Variants in TMEM144 observed in about 807,000 individuals in gnomAD.
TMEM144 encodes transmembrane protein 144.
Under a neutral mutation model 43.6 loss-of-function variants are expected in TMEM144, and 39 were observed. The observed-to-expected ratio is 0.90, with a 90% CI of 0.69 to 1.17. TMEM144 has a LOEUF of 1.17. TMEM144 is among the 50% of genes most tolerant of loss of function. The pLI, the probability that TMEM144 is intolerant of heterozygous loss-of-function variation, is 0.00. For synonymous variants in TMEM144, 154 were observed against 133.6 expected (o/e 1.15, Z -1.06); for missense variants, 417 against 411.9 (o/e 1.01, Z -0.11).
At chr4:158,210,641 G>A (rs1390512809) in intron 1 of TMEM144, 55 bp downstream of exon 1, 1 of 152,230 alleles carries the variant, frequency 6.6e-6, no homozygotes, top group Admixed American at 6.5e-5. Context: ...AGCGTCTCAT[G>A]ATTTTTCAGA....
intron 6 of TMEM144, among the ~76,000 whole-genome samples, chr4:158,223,575 C>A (rs1367328320): frequency 6.6e-6 from 1 of 152,178 alleles, no homozygotes; most frequent in African/African-American, 2.4e-5. Context: ...CCACCACCCT[C>A]CAACAGGCCG....
At chr4:158,241,244 A>T (rs1735621678) in intron 10 of TMEM144, among the ~76,000 whole-genome samples, 1 of 151,894 alleles carries the variant, frequency 6.6e-6, no homozygotes, top group African/African-American at 2.4e-5. Flanking sequence ...TCCCCTTTTC[A>T]TCACCCAGTC....
intron 7 of TMEM144, 166 bp from the exon 8 acceptor site, chr4:158,235,272 C>CA (rs772584239): frequency 6.5e-5 from 39 of 603,366 alleles, no homozygotes; most frequent in Non-Finnish European, 1.0e-4. Context: ...AAAGAGGAAA[C>CA]AATTAGAAAC....
chr4:158,215,683 A>C (rs1734187952), intron 4 of TMEM144, among the ~76,000 whole-genome samples: 1 of 152,196 alleles, frequency 6.6e-6, no homozygotes, highest in South Asian at 2.1e-4. Flanking sequence ...TCTACTAATA[A>C]AATTTTTAGG....
chr4:158,213,014 G>T, intron 3 of TMEM144: 3 of 554,484 alleles, frequency 5.4e-6, no homozygotes, highest in Non-Finnish European at 6.4e-6. Flanking sequence ...AAATCTCTTG[G>T]GCCATTATAT....
intron 6 of TMEM144, among the ~76,000 whole-genome samples, chr4:158,223,184 G>A (rs191715722): frequency 4.4e-4 from 67 of 152,186 alleles, no homozygotes; most frequent in East Asian, 1.2e-3. Flanking sequence ...TCAGCACCCC[G>A]TCACCTATCC....
chr4:158,251,084 C>T (rs1005211042), intron 12 of TMEM144, among the ~76,000 whole-genome samples: 1 of 152,152 alleles, frequency 6.6e-6, no homozygotes, highest in Non-Finnish European at 1.5e-5. Context: ...TCTACAATGA[C>T]TTACCCATGA....
At chr4:158,231,417 GA>G (rs1735072729) in intron 6 of TMEM144, among the ~76,000 whole-genome samples, 1 of 152,144 alleles carries the variant, frequency 6.6e-6, no homozygotes, top group Admixed American at 6.5e-5. Context: ...TCAGCACGCC[GA>G]AGTGCCGTAA....
chr4:158,222,300 T>A (rs1485698086), intron 6 of TMEM144, among the ~76,000 whole-genome samples: 1 of 152,218 alleles, frequency 6.6e-6, no homozygotes, highest in African/African-American at 2.4e-5. Flanking sequence ...CAGAATAAAC[T>A]TGTCTCCTTA....
At chr4:158,243,190 G>GGGTTGCCT (rs1259566651) in intron 11 of TMEM144, among the ~76,000 whole-genome samples, 1 of 152,132 alleles carries the variant, frequency 6.6e-6, no homozygotes, top group African/African-American at 2.4e-5. Context: ...TCATTCTGTT[G>GGGTTGCCT]AAAGTCAGTG....
intron 7 of TMEM144, chr4:158,234,114 A>C (rs1219841654): frequency 1.3e-5 from 2 of 152,270 alleles, no homozygotes; most frequent in African/African-American, 4.8e-5. Flanking sequence ...AGAACCATGC[A>C]TCATGAGCTC....
chr4:158,249,424 G>A (rs569050660), intron 12 of TMEM144, among the ~76,000 whole-genome samples: 93 of 152,284 alleles, frequency 6.1e-4, no homozygotes, highest in Admixed American at 1.4e-3. Context: ...AGAAATCCAA[G>A]TTAAAAAACT....
intron 6 of TMEM144, among the ~76,000 whole-genome samples, chr4:158,224,206 T>A (rs1734640230): frequency 6.6e-6 from 1 of 152,230 alleles, no homozygotes; most frequent in Non-Finnish European, 1.5e-5. Flanking sequence ...GCAAATGTCT[T>A]CTTTGGGGAA....
At chr4:158,238,748 A>T (rs1052312035) in intron 9 of TMEM144, among the ~76,000 whole-genome samples, 4 of 152,166 alleles carry the variant, frequency 2.6e-5, no homozygotes, top group African/African-American at 9.7e-5. Flanking sequence ...TCATGATTCA[A>T]TGAGCACAAG....
rs775715851 is a variant in TMEM144 at position 158,237,588 on chromosome 4, C to G, written c.627C>G (p.Tyr209Ter). 1.9e-6 allele frequency: 3 copies of G among 1,613,992 alleles called. No individual in the cohort carries two copies. In the South Asian group the frequency reaches 3.3e-5, roughly 18 times the overall value. ...GATCTACATTTGTGCCAATCATCTA[C>G]ATCAAGGACCACAGCAAAAGAAATG... ...LYGSTFVPII[Y>*]IKDHSKRNDS... The change falls in exon 9 of 13, where the codon TAC (tyrosine) becomes TAG (stop). Residue 209 changes from tyrosine to a stop codon, truncating the protein, a stop_gained. Coordinates refer to ENST00000296529, the MANE Select transcript of TMEM144 (RefSeq NM_018342.5). LOFTEE classifies it high-confidence loss of function.
chr4:158,232,717 G>A (rs112983324), intron 6 of TMEM144, among the ~76,000 whole-genome samples, 184 bp from the exon 7 acceptor site: 8 of 152,338 alleles, frequency 5.3e-5, no homozygotes, highest in African/African-American at 1.4e-4. Context: ...TAAGGAAAAT[G>A]AGAAACATCT....
chr4:158,230,057 G>A (rs537674917), intron 6 of TMEM144, among the ~76,000 whole-genome samples: 7 of 152,358 alleles, frequency 4.6e-5, no homozygotes, highest in African/African-American at 1.7e-4. Context: ...GCAGATTCCA[G>A]CGGAGAGGCT....
chr4:158,253,201 A>G (rs758242665), intron 12 of TMEM144, among the ~76,000 whole-genome samples: 2 of 152,164 alleles, frequency 1.3e-5, no homozygotes, highest in Non-Finnish European at 1.5e-5. Flanking sequence ...CTCCCATATT[A>G]TATGATTGTT....
intron 6 of TMEM144, among the ~76,000 whole-genome samples, chr4:158,221,448 TC>T (rs1450308000): frequency 6.6e-6 from 1 of 152,210 alleles, no homozygotes; most frequent in Non-Finnish European, 1.5e-5. Flanking sequence ...TTTTCAGTCT[TC>T]CATGCTCCAT....
Sources: allele counts gnomAD v4.1 joint callset (sites outside exome capture counted in the v4.1 genomes callset), GRCh38; gene constraint gnomAD v4.1.1; transcripts MANE v1.5; gene names NCBI Gene and HGNC (gene_info 2026-07-23, HGNC 2026-07-21).